RIMS2: variants seen among roughly 807,000 people sequenced by gnomAD.
The protein encoded by RIMS2 is regulating synaptic membrane exocytosis protein 2.
A neutral mutation model predicts 174.4 loss-of-function variants in RIMS2; 59 were observed. That is an observed-to-expected ratio of 0.34 (90% CI 0.27 to 0.42). RIMS2 has a LOEUF of 0.42. RIMS2 is among the 10% of genes least tolerant of loss of function. The pLI is 1.00. For missense variants in RIMS2, 1,620 were observed against 1,666.3 expected (o/e 0.97, Z 0.48); for synonymous variants, 606 against 572.5 (o/e 1.06, Z -0.84).
At chr8:104,245,146 C>A in intron 20 of RIMS2, 89 bp downstream of exon 26, 1 of 1,281,456 alleles carries the variant, frequency 7.8e-7, no homozygotes, top group East Asian at 2.4e-5. Context: ...AACTCTCATG[C>A]TCTTCAGAAC....
At chr8:104,059,301 A>G (rs1279375374) in intron 19 of RIMS2, among the ~76,000 whole-genome samples, 3 of 148,688 alleles carry the variant, frequency 2.0e-5, no homozygotes, top group Non-Finnish European at 4.5e-5. Context: ...TGTAAGTTGG[A>G]TTCCTAGGTA....
intron 1 of RIMS2, among the ~76,000 whole-genome samples, chr8:103,610,127 C>T (rs1000071217): frequency 6.6e-6 from 1 of 152,036 alleles, no homozygotes; most frequent in East Asian, 1.9e-4. Flanking sequence ...ATTTGGCTCT[C>T]TGCTTGGACA....
chr8:104,100,002 G>A (rs1166279789), intron 19 of RIMS2, among the ~76,000 whole-genome samples: 1 of 151,668 alleles, frequency 6.6e-6, no homozygotes, highest in Non-Finnish European at 1.5e-5. Flanking sequence ...AAAATTTTTT[G>A]TAGCGACGGG....
At chr8:103,849,249 A>C (rs1267787913) in intron 3 of RIMS2, among the ~76,000 whole-genome samples, 1 of 152,002 alleles carries the variant, frequency 6.6e-6, no homozygotes, top group Non-Finnish European at 1.5e-5. Flanking sequence ...AAGTAATCCA[A>C]CTCCAGAATT....
At chr8:104,183,279 C>T (rs2098950171) in intron 19 of RIMS2, among the ~76,000 whole-genome samples, 2 of 151,668 alleles carry the variant, frequency 1.3e-5, no homozygotes, top group South Asian at 4.1e-4. Flanking sequence ...GTTAAATTTG[C>T]AATTCAACTA....
intron 2 of RIMS2, among the ~76,000 whole-genome samples, chr8:103,753,299 T>C (rs1266695744): frequency 2.6e-5 from 4 of 152,186 alleles, no homozygotes; most frequent in Non-Finnish European, 5.9e-5. Context: ...TTGATCATGG[T>C]GGATAAGCTT....
At chr8:103,920,971 C>G (rs1292968264) in intron 9 of RIMS2, 1 of 264,328 alleles carries the variant, frequency 3.8e-6, no homozygotes, top group African/African-American at 2.4e-5. Flanking sequence ...CGCACTCCAG[C>G]CTGGGCCACA....
intron 17 of RIMS2, among the ~76,000 whole-genome samples, chr8:103,993,488 C>T (rs1257909180): frequency 2.0e-5 from 3 of 152,060 alleles, no homozygotes; most frequent in Non-Finnish European, 2.9e-5. Context: ...AAGTGTAACT[C>T]GTACTCATAA....
chr8:103,805,900 C>A (rs1412618736), intron 3 of RIMS2, among the ~76,000 whole-genome samples: 3 of 152,050 alleles, frequency 2.0e-5, no homozygotes, highest in Non-Finnish European at 2.9e-5. Flanking sequence ...TTAGTTACAT[C>A]TCTCAGAAAT....
intron 19 of RIMS2, among the ~76,000 whole-genome samples, chr8:104,141,994 C>T (rs1232478645): frequency 2.6e-5 from 4 of 152,120 alleles, no homozygotes; most frequent in African/African-American, 9.7e-5. Context: ...TGAATGAAAG[C>T]TCCATGAAAC....
At chr8:103,751,140 C>G (rs1436848393) in intron 2 of RIMS2, among the ~76,000 whole-genome samples, 2 of 152,156 alleles carry the variant, frequency 1.3e-5, no homozygotes, top group South Asian at 4.1e-4. Flanking sequence ...CAATAAACCT[C>G]TTTCTTTTGT....
Position 103,899,278 on chromosome 8 carries a change from A to C in RIMS2, c.1625-10856A>C, listed in dbSNP as rs529673212. On this transcript the variant is annotated intron_variant, in intron 4 of 23. Transcript: ENST00000504942. ...GGTCAAATGGTATTTCTAGTTCTAGATCCCTGAGGAATCGCCACACTGTCT... is the reference window on the plus strand; with the variant it reads ...GGTCAAATGGTATTTCTAGTTCTAGCTCCCTGAGGAATCGCCACACTGTCT... Among the ~76,000 whole-genome samples the C allele has an allele frequency of 4.4e-3, 675 of 151,816 alleles. 23 individuals are homozygous for C. The highest frequency in any genetic ancestry group is 0.015 in the African/African-American group (634 of 41,104).
At chr8:103,673,422 C>T (rs993349110) in intron 1 of RIMS2, among the ~76,000 whole-genome samples, 4 of 152,230 alleles carry the variant, frequency 2.6e-5, no homozygotes, top group African/African-American at 9.6e-5. Context: ...CGCGTGGACA[C>T]TGTGCTTTTT....
chr8:104,147,084 C>T (rs2098646427), intron 19 of RIMS2, among the ~76,000 whole-genome samples: 2 of 152,178 alleles, frequency 1.3e-5, no homozygotes, highest in South Asian at 2.1e-4. Context: ...AACTTTGGCT[C>T]TTTTAAACGA....
At chr8:104,188,711 T>C (rs1284279836) in intron 19 of RIMS2, among the ~76,000 whole-genome samples, 1 of 151,930 alleles carries the variant, frequency 6.6e-6, no homozygotes, top group East Asian at 1.9e-4. Context: ...TTCATTTTTA[T>C]TATATTTAAT....
intron 1 of RIMS2, among the ~76,000 whole-genome samples, chr8:103,502,586 A>C (rs1820833567): frequency 1.3e-5 from 2 of 152,150 alleles, no homozygotes; most frequent in Non-Finnish European, 2.9e-5. Flanking sequence ...TAATAGAAGA[A>C]TAAAGCATTA....
chr8:103,758,603 G>T (rs2098063995), intron 2 of RIMS2, among the ~76,000 whole-genome samples: 1 of 152,008 alleles, frequency 6.6e-6, no homozygotes, highest in South Asian at 2.1e-4. Context: ...TTATTCACTG[G>T]TACCTGCTGT....
intron 19 of RIMS2, among the ~76,000 whole-genome samples, chr8:104,236,735 A>C (rs1463460244): frequency 4.6e-5 from 7 of 152,118 alleles, no homozygotes; most frequent in African/African-American, 1.7e-4. Flanking sequence ...AGAAATGTAA[A>C]AGAATATCAG....
intron 3 of RIMS2, among the ~76,000 whole-genome samples, chr8:103,772,955 C>T (rs1223961181): frequency 6.6e-6 from 1 of 151,962 alleles, no homozygotes; most frequent in African/African-American, 2.4e-5. Flanking sequence ...GAAAGTGGAT[C>T]ATAGAGATAA....
Sources: gnomAD v4.1 joint callset for allele counts (sites outside exome capture counted in the v4.1 genomes callset) on GRCh38, gnomAD v4.1.1 for gene constraint, MANE v1.5 for transcripts, NCBI Gene and HGNC (gene_info 2026-07-23, HGNC 2026-07-21) for gene names.